Variants in CADPS2 observed in about 807,000 individuals in gnomAD.
The protein encoded by CADPS2 is calcium-dependent secretion activator 2.
A neutral mutation model predicts 172.5 loss-of-function variants in CADPS2; 93 were observed. That is an observed-to-expected ratio of 0.54 (90% CI 0.46 to 0.64). CADPS2 has a LOEUF of 0.64. Among genes scored for constraint, CADPS2 ranks in the 30% least tolerant of loss-of-function variants. The probability of loss-of-function intolerance (pLI) is 0.00; values close to 1 mark genes in which losing one functional copy is unlikely to be tolerated. For missense variants in CADPS2, 1,420 were observed against 1,565.9 expected, an observed-to-expected ratio of 0.91 and a Z score of 1.57; for synonymous variants, 546 against 555.2, an observed-to-expected ratio of 0.98 and a Z score of 0.23.
chr7:122,871,437 T>C (rs908802525), intron 1 of CADPS2, among the ~76,000 whole-genome samples: 1 of 151,666 alleles, frequency 6.6e-6, no homozygotes, highest in African/African-American at 2.4e-5. Context: ...AATACATGCA[T>C]ATGTACATTT....
intron 25 of CADPS2, among the ~76,000 whole-genome samples, chr7:122,367,843 C>T (rs1189180203): frequency 2.7e-5 from 4 of 146,878 alleles, no homozygotes; most frequent in East Asian, 4.1e-4. Flanking sequence ...GAGTTCCTTT[C>T]TGGAGGCTCT....
intron 2 of CADPS2, among the ~76,000 whole-genome samples, chr7:122,714,767 A>AATT (rs1454530792): frequency 6.6e-6 from 1 of 152,148 alleles, no homozygotes; most frequent in African/African-American, 2.4e-5. Flanking sequence ...TATTACTTAT[A>AATT]ATTTGTTGAA....
chr7:122,652,154 A>AT (rs2079217516), intron 3 of CADPS2, among the ~76,000 whole-genome samples: 1 of 151,942 alleles, frequency 6.6e-6, no homozygotes, highest in South Asian at 2.1e-4. Flanking sequence ...TTACAACAGC[A>AT]TTTTTTTCTA....
intron 6 of CADPS2, among the ~76,000 whole-genome samples, chr7:122,584,958 C>A (rs977086843): frequency 2.6e-5 from 4 of 151,860 alleles, no homozygotes; most frequent in African/African-American, 9.7e-5. Flanking sequence ...AAAAAAAATT[C>A]TCCATTATGG....
intron 1 of CADPS2, among the ~76,000 whole-genome samples, chr7:122,817,634 TTTTCTGGG>T (rs754784832): frequency 6.6e-6 from 1 of 152,002 alleles, no homozygotes; most frequent in Non-Finnish European, 1.5e-5. Context: ...CAAGTCCTGC[TTTTCTGGG>T]AAAGGGGCAA....
chr7:122,804,709 C>T (rs1798411257), intron 1 of CADPS2, among the ~76,000 whole-genome samples: 1 of 152,124 alleles, frequency 6.6e-6, no homozygotes, highest in African/African-American at 2.4e-5. Flanking sequence ...GGTCAGTGTT[C>T]CTATATCAAA....
intron 17 of CADPS2, among the ~76,000 whole-genome samples, chr7:122,433,266 C>T (rs567164202): frequency 2.0e-5 from 3 of 152,186 alleles, no homozygotes; most frequent in African/African-American, 7.2e-5. Flanking sequence ...CAGGCATGAG[C>T]CACCATGCTC....
intron 18 of CADPS2, among the ~76,000 whole-genome samples, chr7:122,415,388 C>T (rs907251603): frequency 1.3e-5 from 2 of 152,040 alleles, no homozygotes; most frequent in Admixed American, 1.3e-4. Context: ...TTGCCTCTTA[C>T]CAGTTACACA....
At chr7:122,706,103 TGC>T (rs2087386013) in intron 2 of CADPS2, among the ~76,000 whole-genome samples, 1 of 89,480 alleles carries the variant, frequency 1.1e-5, no homozygotes, top group South Asian at 3.3e-4. Flanking sequence ...TATATATATA[TGC>T]TTATATATTC....
chr7:122,536,183 A>G (rs2062250811), intron 8 of CADPS2, among the ~76,000 whole-genome samples: 1 of 152,172 alleles, frequency 6.6e-6, no homozygotes, highest in African/African-American at 2.4e-5. Context: ...ATAGTTGTAG[A>G]ATAGTTATAA....
Position 122,650,318 on chromosome 7 carries a change from T to G in CADPS2, c.786+12919A>C, listed in dbSNP as rs543785080. On this transcript the variant is annotated intron_variant, in intron 3 of 29. Coordinates refer to ENST00000449022, the MANE Select transcript of CADPS2 (RefSeq NM_017954.11). ...CCATGAAAAATAAAGATACAGTTGC[T>G]TATTATGCTTGAAACAGTACACCCA... is the stretch of plus-strand genomic sequence containing the variant. Among the ~76,000 whole-genome samples the G allele has an allele frequency of 2.0e-5, 3 of 152,248 alleles. No individual in the cohort carries two copies. In the South Asian group the frequency reaches 6.2e-4, roughly 32 times the overall value.
chr7:122,406,644 G>T lies in CADPS2; in HGVS notation c.2746+896C>A, dbSNP rs539765182. ...AATGGGCACGAAAACCCTATCGTGA[G>T]ACAGAGTTGTTTTATATAGGAATAA... On this transcript the variant is annotated intron_variant, in intron 20 of 29. Transcript: ENST00000449022. Among the ~76,000 whole-genome samples, 7 of 152,318 alleles carry T rather than the reference G, an allele frequency of 4.6e-5. No homozygotes were observed. The South Asian group carries it at 1.2e-3, about 27-fold the overall frequency.
At chr7:122,690,049 G>A (rs2084136953) in intron 2 of CADPS2, among the ~76,000 whole-genome samples, 1 of 152,194 alleles carries the variant, frequency 6.6e-6, no homozygotes, top group African/African-American at 2.4e-5. Flanking sequence ...GCCATCCGCA[G>A]CTGCTGCTGG....
intron 1 of CADPS2, among the ~76,000 whole-genome samples, chr7:122,822,511 ATT>A (rs1803636493): frequency 6.7e-6 from 1 of 150,366 alleles, no homozygotes; most frequent in Non-Finnish European, 1.5e-5. Context: ...CTTCAACACT[ATT>A]TTGTTTTATT....
At chr7:122,433,147 C>CAT (rs1554519594) in intron 17 of CADPS2, among the ~76,000 whole-genome samples, 1 of 148,862 alleles carries the variant, frequency 6.7e-6, no homozygotes, top group African/African-American at 2.5e-5. Context: ...CTATTTGAGG[C>CAT]GTGTGTGTGT....
chr7:122,598,387 C>T (rs2072223401), intron 6 of CADPS2, among the ~76,000 whole-genome samples: 1 of 151,640 alleles, frequency 6.6e-6, no homozygotes, highest in African/African-American at 2.4e-5. Flanking sequence ...CCAAGAAACC[C>T]CAAGTGACAT....
At chr7:122,653,047 G>C (rs1443439620) in intron 3 of CADPS2, among the ~76,000 whole-genome samples, 2 of 152,084 alleles carry the variant, frequency 1.3e-5, no homozygotes, top group Non-Finnish European at 2.9e-5. Flanking sequence ...TGGAACAAAG[G>C]ATATTACCAA....
At chr7:122,667,652 C>T (rs2135472981) in intron 2 of CADPS2, among the ~76,000 whole-genome samples, 1 of 152,136 alleles carries the variant, frequency 6.6e-6, no homozygotes, top group Middle Eastern at 3.4e-3. Flanking sequence ...TGGAAACCCA[C>T]ACAGAGGGAG....
chr7:122,408,267 A>C (rs1304811772), intron 19 of CADPS2, among the ~76,000 whole-genome samples: 2 of 152,090 alleles, frequency 1.3e-5, no homozygotes, highest in African/African-American at 4.8e-5. Context: ...ATATTTTTAC[A>C]TAAATATCTT....
Sources: allele counts gnomAD v4.1 joint callset (sites outside exome capture counted in the v4.1 genomes callset), GRCh38; gene constraint gnomAD v4.1.1; transcripts MANE v1.5; gene names NCBI Gene and HGNC (gene_info 2026-07-23, HGNC 2026-07-21).